The following MLLT3 variants were observed in gnomAD, a reference collection of about 807,000 sequenced individuals.
MLLT3 encodes protein AF-9.
Under a neutral mutation model 53.2 loss-of-function variants are expected in MLLT3, and 4 were observed. The ratio of observed to expected loss-of-function variants is 0.08; its 90% CI spans 0.04 to 0.17. The LOEUF (loss-of-function observed/expected upper bound fraction) is 0.17. Ranked by LOEUF, MLLT3 falls within the 10% of genes least tolerant of loss-of-function variation. The pLI is 1.00. For synonymous variants in MLLT3, 283 were observed against 230.6 expected (o/e 1.23, Z -2.06); for missense variants, 569 against 684.0 (o/e 0.83, Z 1.87).
chr9:20,352,604 A>G (rs1463701678), intron 10 of MLLT3, among the ~76,000 whole-genome samples: 1 of 152,050 alleles, frequency 6.6e-6, no homozygotes, highest in African/African-American at 2.4e-5. Context: ...AGGGTTAAAA[A>G]GCTTATCAGG....
intron 5 of MLLT3, among the ~76,000 whole-genome samples, chr9:20,385,429 A>G (rs1343323732): frequency 6.6e-6 from 1 of 152,162 alleles, no homozygotes; most frequent in Non-Finnish European, 1.5e-5. Context: ...GTACAAATGA[A>G]TGGTAGGATT....
Position 20,349,093 on chromosome 9 carries a change from T to C in MLLT3, c.1576-2519A>G, listed in dbSNP as rs576129888. ...AACAAGCTGACCAGAATTTGACTCC[T>C]TTCCTCAGCGAGCTGCCCAGTAGGT... On this transcript the variant is annotated intron_variant, in intron 10 of 10. Coordinates refer to ENST00000380338, the MANE Select transcript of MLLT3 (RefSeq NM_004529.4). 2.0e-5 allele frequency among the ~76,000 whole-genome samples: 3 copies of C among 152,330 alleles called. No individual in the cohort carries two copies. The East Asian group carries it at 5.8e-4, about 29-fold the overall frequency.
At chr9:20,533,257 C>T (rs780954932) in intron 2 of MLLT3, 5 of 321,676 alleles carry the variant, frequency 1.6e-5, no homozygotes, top group Middle Eastern at 1.1e-3. Flanking sequence ...TGAGATCTGC[C>T]GTCACTGGGT....
intron 4 of MLLT3, among the ~76,000 whole-genome samples, chr9:20,429,584 C>A (rs1475553933): frequency 6.6e-6 from 1 of 152,012 alleles, no homozygotes; most frequent in African/African-American, 2.4e-5. Flanking sequence ...AGACCAAAAC[C>A]ACATTGGGTT....
In MLLT3 at chr9:20,349,522, C is replaced by T. The variant is rs375062247; in HGVS notation, c.1576-2948G>A. Among the ~76,000 whole-genome samples the T allele has an allele frequency of 6.0e-4, 89 of 148,968 alleles. 2 individuals carry two copies. The East Asian group carries it at 0.011, about 19-fold the overall frequency. On this transcript the variant is annotated intron_variant, in intron 10 of 10. Transcript: ENST00000380338. ...ATGCAGAAACTAAAACTCAGAAAGGCCGGCTTGAATTAAAAAAAAAAAATT... is the reference window on the plus strand; with the variant it reads ...ATGCAGAAACTAAAACTCAGAAAGGTCGGCTTGAATTAAAAAAAAAAAATT...
intron 2 of MLLT3, among the ~76,000 whole-genome samples, chr9:20,560,154 T>G (rs1010758637): frequency 3.9e-5 from 6 of 152,106 alleles, no homozygotes; most frequent in Non-Finnish European, 7.4e-5. Context: ...CTGCTGAGGG[T>G]TCTGGAATTA....
rs901429996 is a variant in MLLT3 at position 20,543,717 on chromosome 9, GAGGAGGA to G, written c.193+76930_193+76936del. On this transcript the variant is annotated intron_variant, in intron 2 of 10. Coordinates refer to ENST00000380338, the MANE Select transcript of MLLT3 (RefSeq NM_004529.4). Reference sequence around the variant, plus strand: ...GAGGAAGAGGAAGAGGAGGAGGACGGAGGAGGAAGGAGGAAGGAGGAGGAGGAGGATA... The same window carrying G: ...GAGGAAGAGGAAGAGGAGGAGGACGGAGGAGGAAGGAGGAGGAGGAGGATA... Among the ~76,000 whole-genome samples the G allele has an allele frequency of 6.6e-5, 10 of 151,346 alleles. No homozygotes were observed. The East Asian group carries it at 1.4e-3, about 21-fold the overall frequency.
intron 2 of MLLT3, among the ~76,000 whole-genome samples, chr9:20,581,595 T>C (rs952564592): frequency 1.3e-5 from 2 of 152,160 alleles, no homozygotes; most frequent in East Asian, 1.9e-4. Flanking sequence ...TCCTGTATAG[T>C]TGATTAAAAT....
At chr9:20,450,230 C>T (rs1823805903) in intron 3 of MLLT3, among the ~76,000 whole-genome samples, 1 of 152,182 alleles carries the variant, frequency 6.6e-6, no homozygotes, top group Non-Finnish European at 1.5e-5. Flanking sequence ...TCCTTATGAA[C>T]TTTCAGATCT....
At chr9:20,367,459 G>A (rs890063154) in intron 5 of MLLT3, among the ~76,000 whole-genome samples, 13 of 152,138 alleles carry the variant, frequency 8.5e-5, no homozygotes, top group South Asian at 2.1e-4. Context: ...ACTTTTTATC[G>A]GTGACTAAAG....
intron 2 of MLLT3, among the ~76,000 whole-genome samples, chr9:20,579,267 AG>A (rs1359926554): frequency 6.6e-6 from 1 of 152,064 alleles, no homozygotes; most frequent in Admixed American, 6.6e-5. Context: ...GCTACTCTGG[AG>A]GCTCAATGGG....
At chr9:20,355,899 A>G (rs1343383116) in intron 8 of MLLT3, among the ~76,000 whole-genome samples, 2 of 152,310 alleles carry the variant, frequency 1.3e-5, no homozygotes, top group East Asian at 3.9e-4. Flanking sequence ...TCTGTCCACA[A>G]GTTTACCACA....
chr9:20,430,527 C>T (rs1050563512), intron 4 of MLLT3, among the ~76,000 whole-genome samples: 6 of 152,004 alleles, frequency 3.9e-5, no homozygotes, highest in East Asian at 1.9e-4. Flanking sequence ...GCATAGACAA[C>T]GCAATAAAAC....
At chr9:20,542,236 ATATTTTTT>A (rs1440284293) in intron 2 of MLLT3, among the ~76,000 whole-genome samples, 3 of 136,808 alleles carry the variant, frequency 2.2e-5, no homozygotes, top group Non-Finnish European at 4.7e-5. Context: ...ATGAGCAGTA[ATATTTTTT>A]TTTTTTTTTT....
At chr9:20,351,227 C>A (rs540728640) in intron 10 of MLLT3, among the ~76,000 whole-genome samples, 9 of 152,290 alleles carry the variant, frequency 5.9e-5, no homozygotes, top group African/African-American at 2.2e-4. Context: ...ATTCCCCATT[C>A]CCTGCAGACA....
chr9:20,601,611 G>A (rs1027327750), intron 2 of MLLT3, among the ~76,000 whole-genome samples: 10 of 152,128 alleles, frequency 6.6e-5, no homozygotes, highest in African/African-American at 2.4e-4. Flanking sequence ...GGAAAAAACT[G>A]CAAACAGAAA....
At chr9:20,587,532 GA>G (rs10707662) in intron 2 of MLLT3, among the ~76,000 whole-genome samples, 61,905 of 150,360 alleles carry the variant, frequency 0.41, 13,290 homozygotes, top group Non-Finnish European at 0.5. Context: ...TAAGATAAAA[GA>G]AAAAAAAATA....
chr9:20,492,140 A>C (rs1196683848), intron 2 of MLLT3, among the ~76,000 whole-genome samples: 1 of 152,090 alleles, frequency 6.6e-6, no homozygotes, highest in African/African-American at 2.4e-5. Flanking sequence ...CTAATGTCCT[A>C]TTTTTAAAAC....
intron 2 of MLLT3, among the ~76,000 whole-genome samples, chr9:20,563,127 G>A (rs1045161581): frequency 2.6e-5 from 4 of 151,978 alleles, no homozygotes; most frequent in Non-Finnish European, 4.4e-5. Context: ...AGCACACTAG[G>A]CAGAATTCAA....
Sources: gnomAD v4.1 joint callset for allele counts (sites outside exome capture counted in the v4.1 genomes callset) on GRCh38, gnomAD v4.1.1 for gene constraint, MANE v1.5 for transcripts, NCBI Gene and HGNC (gene_info 2026-07-23, HGNC 2026-07-21) for gene names.